The following C10orf90 variants were observed in gnomAD, a reference collection of about 807,000 sequenced individuals.
C10orf90 encodes the protein chromosome 10 open reading frame 90.
A neutral mutation model predicts 62.5 loss-of-function variants in C10orf90; 56 were observed. That is an observed-to-expected ratio of 0.90 (90% CI 0.72 to 1.12). The LOEUF (loss-of-function observed/expected upper bound fraction) is 1.12. Among genes scored for constraint, C10orf90 ranks in the 50% most tolerant of loss-of-function variants. The pLI, the probability that C10orf90 is intolerant of heterozygous loss-of-function variation, is 0.00. For missense variants in C10orf90, 970 were observed against 880.4 expected (o/e 1.10, Z -1.29); for synonymous variants, 386 against 340.4 (o/e 1.13, Z -1.47).
intron 2 of C10orf90, among the ~76,000 whole-genome samples, chr10:126,547,470 C>T (rs527428484): frequency 8.0e-6 from 1 of 125,182 alleles, no homozygotes; most frequent in East Asian, 2.3e-4. Flanking sequence ...TTCATCACAA[C>T]AAGAACCAGA....
At chr10:126,665,350 T>A (rs978927487) in intron 1 of C10orf90, among the ~76,000 whole-genome samples, 1 of 152,158 alleles carries the variant, frequency 6.6e-6, no homozygotes, top group Non-Finnish European at 1.5e-5. Flanking sequence ...TTGATAACTG[T>A]GAGAAGAAAG....
In C10orf90 at chr10:126,564,998, A is replaced by ATATAT. The variant is rs1349146245; in HGVS notation, c.314-51064_314-51060dup. On this transcript the variant is annotated intron_variant, in intron 2 of 9. Coordinates refer to ENST00000488181, the MANE Select transcript of C10orf90 (RefSeq NM_001350921.2). ...ATATATAAAATATAAAATATATATT[A>ATATAT]TATATAATATATATAATATATATTA... Among the ~76,000 whole-genome samples the ATATAT allele has an allele frequency of 4.0e-3, 32 of 7,950 alleles. 3 individuals are homozygous for ATATAT. Among genetic ancestry groups the ATATAT allele is most frequent in the Non-Finnish European group, 6.7e-3 (24 of 3,592 alleles). 5.2% of individuals were successfully genotyped at this position (7,950 alleles called of 152,430 possible). A position where few individuals can be genotyped will look rare whatever the true frequency, so the allele number is the denominator to read the frequency against.
intron 2 of C10orf90, among the ~76,000 whole-genome samples, chr10:126,527,051 A>G (rs1045116843): frequency 6.6e-6 from 1 of 152,126 alleles, no homozygotes; most frequent in Non-Finnish European, 1.5e-5. Flanking sequence ...TGAGTGATAT[A>G]TGTGTTCTAT....
chr10:126,521,394 T>C, intron 2 of C10orf90: 4 of 1,606,214 alleles, frequency 2.5e-6, no homozygotes, highest in South Asian at 1.1e-5. Flanking sequence ...TTTGGCGACA[T>C]GAAAGAAAAA....
intron 2 of C10orf90, among the ~76,000 whole-genome samples, chr10:126,628,111 C>T (rs1469786060): frequency 2.6e-5 from 4 of 152,326 alleles, no homozygotes; most frequent in South Asian, 2.1e-4. Flanking sequence ...AAAACACCTT[C>T]GCCTGGCAGG....
chr10:126,519,368 C>T (rs1285242598), intron 2 of C10orf90, among the ~76,000 whole-genome samples: 1 of 152,168 alleles, frequency 6.6e-6, no homozygotes, highest in Non-Finnish European at 1.5e-5. Flanking sequence ...CTTATCTCTA[C>T]AAAAGTAGCA....
intron 2 of C10orf90, among the ~76,000 whole-genome samples, chr10:126,568,425 G>C (rs1459605914): frequency 6.6e-6 from 1 of 152,110 alleles, no homozygotes; most frequent in Non-Finnish European, 1.5e-5. Flanking sequence ...TCTCCCTCAG[G>C]TCCTCACCAT....
At chr10:126,653,329 C>T (rs974991116) in intron 1 of C10orf90, among the ~76,000 whole-genome samples, 1 of 152,168 alleles carries the variant, frequency 6.6e-6, no homozygotes, top group South Asian at 2.1e-4. Context: ...GGAGGCAATC[C>T]CCTCAAACCT....
At chr10:126,564,899 T>TATATAAA (rs1844281071) in intron 2 of C10orf90, among the ~76,000 whole-genome samples, 1 of 18,700 alleles carries the variant, frequency 5.3e-5, no homozygotes, top group African/African-American at 2.8e-4. Context: ...TTATATATAA[T>TATATAAA]ATATAAAATA....
intron 2 of C10orf90, among the ~76,000 whole-genome samples, chr10:126,567,662 A>G (rs972519085): frequency 1.3e-5 from 2 of 152,102 alleles, no homozygotes; most frequent in African/African-American, 4.8e-5. Flanking sequence ...TTGAGCCAGA[A>G]GAAGATCGAG....
At chr10:126,533,561 G>A (rs959767424) in intron 2 of C10orf90, among the ~76,000 whole-genome samples, 24 of 152,174 alleles carry the variant, frequency 1.6e-4, no homozygotes, top group Non-Finnish European at 1.2e-4. Flanking sequence ...TTGGGTGATT[G>A]GGTGGTCATT....
chr10:126,616,303 G>A (rs1469984674), intron 2 of C10orf90, among the ~76,000 whole-genome samples: 1 of 152,196 alleles, frequency 6.6e-6, no homozygotes, highest in Non-Finnish European at 1.5e-5. Flanking sequence ...CTTCCGACAA[G>A]CAATGGGTGA....
chr10:126,575,380 C>A (rs1459790642), intron 2 of C10orf90, among the ~76,000 whole-genome samples: 1 of 151,734 alleles, frequency 6.6e-6, no homozygotes, highest in Admixed American at 6.6e-5. Flanking sequence ...AAGTGAAAGA[C>A]CTCTGCAAGG....
chr10:126,548,246 T>TA (rs1483933817), intron 2 of C10orf90, among the ~76,000 whole-genome samples: 1 of 152,118 alleles, frequency 6.6e-6, no homozygotes. Context: ...AATAATTTCA[T>TA]AAAAAAGCAA....
chr10:126,579,597 C>T (rs564047044), intron 2 of C10orf90, among the ~76,000 whole-genome samples: 1 of 152,170 alleles, frequency 6.6e-6, no homozygotes, highest in Non-Finnish European at 1.5e-5. Flanking sequence ...ACTCTGTTCA[C>T]AGACCATTTG....
Position 126,504,478 on chromosome 10 carries a change from G to C in C10orf90, c.1013C>G (p.Ser338Ter). The C allele has an allele frequency of 1.9e-6, 3 of 1,614,218 alleles. No homozygotes were observed. The highest frequency in any genetic ancestry group is 2.5e-6 in the Non-Finnish European group (3 of 1,180,030). ...ETSFSPDTPL[S>*]GKSPLVFSSC... Reference sequence around the variant, plus strand: ...ACTGAACACCAGCGGGCTCTTTCCTGACAGTGGGGTGTCTGGAGAAAAACT... The same window carrying C: ...ACTGAACACCAGCGGGCTCTTTCCTCACAGTGGGGTGTCTGGAGAAAAACT... Residue 338 changes from serine to a stop codon, truncating the protein, a stop_gained, in exon 4 of 10, where the codon TCA becomes TGA. Coordinates refer to ENST00000488181, the MANE Select transcript of C10orf90 (RefSeq NM_001350921.2). LOFTEE classifies it high-confidence loss of function. The surrounding 1 kb of genome is among the most constrained non-coding windows in gnomAD (Gnocchi z 4.1).
chr10:126,620,287 A>T (rs936043358), intron 2 of C10orf90, among the ~76,000 whole-genome samples: 1 of 152,288 alleles, frequency 6.6e-6, no homozygotes, highest in East Asian at 1.9e-4. Flanking sequence ...ACTTTTATAC[A>T]AATTTCCAAC....
chr10:126,560,043 G>C (rs1220072028), intron 2 of C10orf90, among the ~76,000 whole-genome samples: 1 of 152,096 alleles, frequency 6.6e-6, no homozygotes, highest in Non-Finnish European at 1.5e-5. Flanking sequence ...CTTATGTGGA[G>C]GTAGGCTGCC....
chr10:126,606,566 C>G (rs1845316220), intron 2 of C10orf90, among the ~76,000 whole-genome samples: 1 of 152,106 alleles, frequency 6.6e-6, no homozygotes, highest in Admixed American at 6.5e-5. Context: ...CGCGGACAAA[C>G]AGAAAAGGTA....
Sources: gnomAD v4.1 joint callset for allele counts (sites outside exome capture counted in the v4.1 genomes callset) on GRCh38, gnomAD v4.1.1 for gene constraint, Gnocchi (gnomAD v3.1) non-coding constraint, MANE v1.5 for transcripts, NCBI Gene and HGNC (gene_info 2026-07-23, HGNC 2026-07-21) for gene names.